The following ETS1 variants were observed in gnomAD, a reference collection of about 807,000 sequenced individuals.
The protein encoded by ETS1 is protein C-ets-1.
ETS1 carries 15 observed loss-of-function variants against 58.6 expected under a neutral mutation model. That is an observed-to-expected ratio of 0.26 (90% confidence interval 0.17 to 0.39). The LOEUF is 0.39. Among genes scored for constraint, ETS1 ranks in the 10% least tolerant of loss-of-function variants. The probability of loss-of-function intolerance (pLI) is 1.00; values close to 1 mark genes in which losing one functional copy is unlikely to be tolerated. For synonymous variants in ETS1, 214 were observed against 218.2 expected, an observed-to-expected ratio of 0.98 and a Z score of 0.17; for missense variants, 417 against 610.5, an observed-to-expected ratio of 0.68 and a Z score of 3.34.
chr11:128,488,851 TCA>T (rs1328932316), intron 5 of ETS1, among the ~76,000 whole-genome samples: 1 of 152,196 alleles, frequency 6.6e-6, no homozygotes, highest in East Asian at 1.9e-4. Flanking sequence ...TAATACGGTC[TCA>T]GACGCTAAGC....
chr11:128,574,667 C>T (rs138838362), intron 1 of ETS1, among the ~76,000 whole-genome samples: 1 of 152,274 alleles, frequency 6.6e-6, no homozygotes, highest in Non-Finnish European at 1.5e-5. Flanking sequence ...TTAGATATGC[C>T]TGTCCTGACC....
intron 1 of ETS1, among the ~76,000 whole-genome samples, chr11:128,585,006 A>G (rs11221368): frequency 4.8e-5 from 2 of 41,284 alleles, no homozygotes; most frequent in Non-Finnish European, 8.2e-5. Flanking sequence ...AAGGAAGGAA[A>G]GAAAGGAAAG....
At chr11:128,547,633 T>A (rs767768800) in intron 3 of ETS1, among the ~76,000 whole-genome samples, 1 of 151,584 alleles carries the variant, frequency 6.6e-6, no homozygotes, top group Non-Finnish European at 1.5e-5. Flanking sequence ...GGTGGCTTTG[T>A]TTTTTTGGTT....
chr11:128,498,760 C>T (rs1432140918), intron 3 of ETS1, among the ~76,000 whole-genome samples: 2 of 152,166 alleles, frequency 1.3e-5, no homozygotes, highest in African/African-American at 4.8e-5. Context: ...GATTATGATT[C>T]CTGTGTGCAA....
chr11:128,493,659 T>C (rs1440336586), intron 3 of ETS1, among the ~76,000 whole-genome samples: 1 of 152,164 alleles, frequency 6.6e-6, no homozygotes, highest in Non-Finnish European at 1.5e-5. Flanking sequence ...AGGATTCAGA[T>C]GTAAAAGTCA....
chr11:128,459,120 G>T lies in ETS1; in HGVS notation c.*3241C>A, dbSNP rs1861840474. ...ATCTTTTTCATCCCTATACTTCTCA[G>T]CTTAAAAAAAAAGTATTCTTAAAAA... On this transcript the variant is annotated 3_prime_UTR_variant, in exon 10 of 10. Coordinates refer to ENST00000392668, the MANE Select transcript of ETS1 (RefSeq NM_001143820.2). 6.8e-6 allele frequency: 1 copy of T among 148,026 alleles called. No homozygotes were observed. The highest frequency in any genetic ancestry group is 6.7e-5 in the Admixed American group (1 of 14,864). The allele number at this position is 148,026 out of a possible 1,614,324, so 9.2% of individuals were successfully genotyped here. A position where few individuals can be genotyped will look rare whatever the true frequency, so the allele number is the denominator to read the frequency against.
In ETS1 at chr11:128,464,355, GACACACACACACACAC is replaced by G. The variant is rs58228263; in HGVS notation, c.1124-744_1124-729del. ...CATAGGTTCAGTATATTCTAAATTA[GACACACACACACACAC>G]ACACACACACACACACACACACACA... On this transcript the variant is annotated intron_variant, in intron 8 of 9. Coordinates refer to ENST00000392668, the MANE Select transcript of ETS1 (RefSeq NM_001143820.2). The surrounding 1 kb of genome is among the most constrained non-coding windows in gnomAD (Gnocchi z 4.1). Among the ~76,000 whole-genome samples the G allele has an allele frequency of 0.13, 18,194 of 144,964 alleles. 1,238 individuals carry two copies. The highest frequency in any genetic ancestry group is 0.22 in the East Asian group (1,087 of 4,890).
At chr11:128,503,138 T>C (rs192156226) in intron 3 of ETS1, among the ~76,000 whole-genome samples, 9 of 152,324 alleles carry the variant, frequency 5.9e-5, no homozygotes, top group Non-Finnish European at 1.2e-4. Flanking sequence ...AAAACCAACA[T>C]GTAAGGAGAT....
At chr11:128,538,785 CA>C (rs1864011431) in intron 3 of ETS1, among the ~76,000 whole-genome samples, 4 of 148,254 alleles carry the variant, frequency 2.7e-5, no homozygotes, top group African/African-American at 1.0e-4. Flanking sequence ...CACACACACA[CA>C]CACACCAAAC....
chr11:128,585,052 GAAA>G lies in ETS1; in HGVS notation c.-15+2433_-15+2435del, dbSNP rs1565421243. ...GAAAGAAAAGAAAGAAAGAAAGAAA[GAAA>G]GAAAGAAAGAAAGAAAGAAAGAGAA... On this transcript the variant is annotated intron_variant, in intron 1 of 9. Transcript: ENST00000392668. Among the ~76,000 whole-genome samples, 105 of 19,984 alleles carry G rather than the reference GAAA, an allele frequency of 5.3e-3. 6 individuals carry two copies. Among genetic ancestry groups the G allele is most frequent in the East Asian group, 0.01 (9 of 870 alleles). The allele number at this position is 19,984 out of a possible 152,430, so 13.1% of individuals were successfully genotyped here. A position where few individuals can be genotyped will look rare whatever the true frequency, so the allele number is the denominator to read the frequency against.
intron 2 of ETS1, among the ~76,000 whole-genome samples, chr11:128,566,521 C>A (rs1341226393): frequency 6.6e-6 from 1 of 152,102 alleles, no homozygotes; most frequent in Admixed American, 6.6e-5. Context: ...CAGTGGCTCA[C>A]ACCTGTAATC....
intron 3 of ETS1, chr11:128,521,855 G>C: frequency 6.8e-7 from 1 of 1,462,764 alleles, no homozygotes; most frequent in Non-Finnish European, 9.3e-7. Context: ...AAGAAGTCCA[G>C]GGGACCCCCG....
intron 2 of ETS1, among the ~76,000 whole-genome samples, chr11:128,564,078 C>T (rs1438137900): frequency 6.6e-6 from 1 of 151,892 alleles, no homozygotes; most frequent in Non-Finnish European, 1.5e-5. Flanking sequence ...AGGTATTTGG[C>T]CTCAGAAGGA....
chr11:128,507,354 CG>C (rs1863269425), intron 3 of ETS1, among the ~76,000 whole-genome samples: 1 of 152,162 alleles, frequency 6.6e-6, no homozygotes, highest in African/African-American at 2.4e-5. Context: ...GAGATTTCAG[CG>C]ACGGGTGGTG....
intron 3 of ETS1, among the ~76,000 whole-genome samples, chr11:128,531,343 G>A (rs1863894230): frequency 6.6e-6 from 1 of 152,216 alleles, no homozygotes; most frequent in Non-Finnish European, 1.5e-5. Flanking sequence ...GCTTTGCACT[G>A]TGCATGATGC....
chr11:128,558,895 C>T (rs75470776), intron 2 of ETS1, among the ~76,000 whole-genome samples: 1 of 152,288 alleles, frequency 6.6e-6, no homozygotes, highest in African/African-American at 2.4e-5. Context: ...CTTGTGCTCT[C>T]AATATCATCC....
chr11:128,540,747 A>G (rs1864045159), intron 3 of ETS1, among the ~76,000 whole-genome samples: 1 of 152,206 alleles, frequency 6.6e-6, no homozygotes, highest in Non-Finnish European at 1.5e-5. Context: ...AGCAAGGAGC[A>G]CTAATGAAGT....
intron 3 of ETS1, among the ~76,000 whole-genome samples, chr11:128,511,968 C>A (rs188473370): frequency 6.6e-6 from 1 of 152,332 alleles, no homozygotes; most frequent in African/African-American, 2.4e-5. Context: ...ACATGGCAAA[C>A]TGTAAAATGC....
In ETS1 at chr11:128,480,354, G is replaced by C; in HGVS notation, c.960C>G (p.Ser320Arg). The C allele has an allele frequency of 6.2e-7, 1 of 1,614,082 alleles. No individual in the cohort carries two copies. The highest frequency in any genetic ancestry group is 1.1e-5 in the South Asian group (1 of 91,082). ...QSWSSQSSFN[S>R]LQRVPSYDSF... ...TGTCATAGGAGGGAACACGCTGCAG[G>C]CTGTTGAAAGATGACTGGCTGCTCC... The change falls in exon 8 of 10, where the codon AGC becomes AGG. Residue 320 changes from serine to arginine, a missense_variant. By Grantham distance (110) the Ser-to-Arg change is moderately radical. Transcript: ENST00000392668.
Sources: allele counts gnomAD v4.1 joint callset (sites outside exome capture counted in the v4.1 genomes callset), GRCh38; gene constraint gnomAD v4.1.1; non-coding constraint Gnocchi (gnomAD v3.1); transcripts MANE v1.5; gene names NCBI Gene and HGNC (gene_info 2026-07-23, HGNC 2026-07-21).